CKAP5: variants seen among roughly 807,000 people sequenced by gnomAD.
CKAP5 encodes the protein cytoskeleton-associated protein 5.
Under a neutral mutation model 232.8 loss-of-function variants are expected in CKAP5, and 27 were observed. The ratio of observed to expected loss-of-function variants is 0.12; its 90% CI spans 0.09 to 0.16. The LOEUF (loss-of-function observed/expected upper bound fraction) is 0.16, where lower values mean the gene tolerates loss of function less well. Ranked by LOEUF, CKAP5 falls within the 10% of genes least tolerant of loss-of-function variation. The probability of loss-of-function intolerance (pLI) is 1.00; values close to 1 mark genes in which losing one functional copy is unlikely to be tolerated. For missense variants in CKAP5, 1,838 were observed against 2,424.7 expected (o/e 0.76, Z 5.08); for synonymous variants, 785 against 841.1 (o/e 0.93, Z 1.16).
chr11:46,785,711 G>C (rs908338440), intron 16 of CKAP5, among the ~76,000 whole-genome samples: 1 of 152,206 alleles, frequency 6.6e-6, no homozygotes, highest in Non-Finnish European at 1.5e-5. Flanking sequence ...TTGGTAGGTT[G>C]AGTCGAGGGG....
intron 13 of CKAP5, among the ~76,000 whole-genome samples, chr11:46,791,928 G>A (rs190529061): frequency 6.6e-6 from 1 of 152,252 alleles, no homozygotes; most frequent in African/African-American, 2.4e-5. Flanking sequence ...ATCCAGACCT[G>A]TTCTGAAACT....
At chr11:46,749,453 T>C (rs1156677632) in intron 42 of CKAP5, among the ~76,000 whole-genome samples, 4 of 89,220 alleles carry the variant, frequency 4.5e-5, no homozygotes, top group Admixed American at 1.4e-4. Flanking sequence ...AGACTCCGTC[T>C]CAAGAAAAAA....
intron 16 of CKAP5, among the ~76,000 whole-genome samples, chr11:46,786,001 T>C (rs1242647708): frequency 6.7e-6 from 1 of 150,118 alleles, no homozygotes; most frequent in Non-Finnish European, 1.5e-5. Context: ...TTTAAAAAAT[T>C]AAAAAAAAAA....
chr11:46,806,119 G>A (rs943784280), intron 8 of CKAP5, among the ~76,000 whole-genome samples: 12 of 152,000 alleles, frequency 7.9e-5, no homozygotes, highest in African/African-American at 2.7e-4. Flanking sequence ...ACCCCACCAC[G>A]TGAAAAGGGA....
At chr11:46,787,805 C>A (rs1375288878) in intron 16 of CKAP5, among the ~76,000 whole-genome samples, 1 of 152,022 alleles carries the variant, frequency 6.6e-6, no homozygotes. Context: ...ATACAGTTGA[C>A]CCTTGAACAA....
At chr11:46,769,717 A>G (rs750731994) in intron 26 of CKAP5, among the ~76,000 whole-genome samples, 5 of 152,008 alleles carry the variant, frequency 3.3e-5, no homozygotes, top group Non-Finnish European at 5.9e-5. Context: ...ACAAAACAAA[A>G]ACAAAAAAAA....
intron 24 of CKAP5, among the ~76,000 whole-genome samples, chr11:46,771,774 A>G (rs532678154): frequency 6.6e-6 from 1 of 152,252 alleles, no homozygotes; most frequent in South Asian, 2.1e-4. Context: ...ATAAATTTTC[A>G]TTTTTCTGAA....
At chr11:46,749,166 T>A (rs1051485055) in intron 42 of CKAP5, among the ~76,000 whole-genome samples, 1 of 151,890 alleles carries the variant, frequency 6.6e-6, no homozygotes, top group African/African-American at 2.4e-5. Context: ...TTACAATGTC[T>A]ATGTGAGGCT....
At chr11:46,764,613 T>C (rs927990847) in intron 28 of CKAP5, among the ~76,000 whole-genome samples, 1 of 152,090 alleles carries the variant, frequency 6.6e-6, no homozygotes, top group African/African-American at 2.4e-5. Flanking sequence ...ATTTCTGGAG[T>C]AATACATTGA....
chr11:46,819,640 G>C (rs191994139), intron 2 of CKAP5, among the ~76,000 whole-genome samples: 1 of 152,076 alleles, frequency 6.6e-6, no homozygotes. Flanking sequence ...TTTAATGTAA[G>C]TAAAAATGTA....
intron 1 of CKAP5, among the ~76,000 whole-genome samples, chr11:46,834,151 T>A (rs1939861406): frequency 1.3e-5 from 2 of 152,132 alleles, no homozygotes; most frequent in Admixed American, 6.5e-5. Flanking sequence ...ATAAGCATCA[T>A]CCCAGTGTCA....
At chr11:46,745,482 T>C (rs2065015518) in intron 42 of CKAP5, among the ~76,000 whole-genome samples, 1 of 152,216 alleles carries the variant, frequency 6.6e-6, no homozygotes, top group Non-Finnish European at 1.5e-5. Flanking sequence ...GCAAATGTGC[T>C]GTTTAGGCCA....
intron 26 of CKAP5, among the ~76,000 whole-genome samples, chr11:46,769,760 T>C (rs2065232734): frequency 6.6e-6 from 1 of 152,114 alleles, no homozygotes. Context: ...TTAGTCACGT[T>C]TGTACCCTTA....
intron 1 of CKAP5, among the ~76,000 whole-genome samples, chr11:46,839,466 T>C (rs1211156519): frequency 6.6e-6 from 1 of 152,238 alleles, no homozygotes; most frequent in Non-Finnish European, 1.5e-5. Context: ...CCAAGAATCC[T>C]AATTAGATTA....
chr11:46,822,623 C>A (rs1281278872), intron 1 of CKAP5, among the ~76,000 whole-genome samples: 2 of 150,820 alleles, frequency 1.3e-5, no homozygotes, highest in African/African-American at 4.9e-5. Context: ...TGGTGGCTGG[C>A]GCCTGCAGTC....
Position 46,816,329 on chromosome 11 carries a change from G to GC in CKAP5, c.326dup (p.Ile110HisfsTer11). ...CTATGTACATAAGACAGATCTCTAT[G>GC]CCCAGCTCCTTGGCTTTAGCTTTAG... On this transcript the variant is annotated frameshift_variant, in exon 4 of 44. Coordinates refer to ENST00000529230, the MANE Select transcript of CKAP5 (RefSeq NM_001008938.4). LOFTEE classifies it high-confidence loss of function. 1 of 1,613,934 alleles carries GC rather than the reference G, an allele frequency of 6.2e-7. No individual in the cohort carries two copies. Among genetic ancestry groups the GC allele is most frequent in the Non-Finnish European group, 8.5e-7 (1 of 1,179,970 alleles).
intron 1 of CKAP5, among the ~76,000 whole-genome samples, chr11:46,835,911 CACATGGATATCACAAA>C (rs1291447832): frequency 2.6e-5 from 4 of 152,216 alleles, no homozygotes; most frequent in African/African-American, 7.2e-5. Context: ...CTAATGATGT[CACATGGATATCACAAA>C]ACCCCTGATA....
At position 46,821,184 on chromosome 11, in the gene CKAP5, A is replaced by C. The variant is rs1205014660; in HGVS notation, c.48T>G (p.Cys16Trp). ...EWLKLPVDQK[C>W]EHKLWKARLS... is the part of the protein sequence containing the mutation. ...TCCAGAAGAATCTTACCTTGTGTTC[A>C]CATTTCTGATCAACTGGCAGTTTCA... Residue 16 changes from cysteine (C) to tryptophan (W), a missense_variant, in exon 2 of 44, where the codon TGT becomes TGG. By Grantham distance (215) the Cys-to-Trp change is radical. Transcript: ENST00000529230. 1.2e-6 allele frequency: 2 copies of C among 1,612,462 alleles called. No individual in the cohort carries two copies. The highest frequency in any genetic ancestry group is 1.7e-5 in the Admixed American group (1 of 59,990).
At chr11:46,815,342 C>T (rs1340018922) in intron 4 of CKAP5, among the ~76,000 whole-genome samples, 1 of 152,060 alleles carries the variant, frequency 6.6e-6, no homozygotes, top group Non-Finnish European at 1.5e-5. Flanking sequence ...GCCACTGAGC[C>T]TGGCCATATT....
Sources: gnomAD v4.1 joint callset for allele counts (sites outside exome capture counted in the v4.1 genomes callset) on GRCh38, gnomAD v4.1.1 for gene constraint, MANE v1.5 for transcripts, NCBI Gene and HGNC (gene_info 2026-07-23, HGNC 2026-07-21) for gene names.